HS6ST3: variants seen among roughly 807,000 people sequenced by gnomAD.
The protein encoded by HS6ST3 is heparan sulfate 6-O-sulfotransferase 3, also known as heparan-sulfate 6-O-sulfotransferase 3.
HS6ST3 carries 12 observed loss-of-function variants against 36.7 expected under a neutral mutation model. That is an observed-to-expected ratio of 0.33 (90% CI 0.21 to 0.53). The LOEUF is 0.53. Among genes scored for constraint, HS6ST3 ranks in the 20% least tolerant of loss-of-function variants. The pLI, the probability that HS6ST3 is intolerant of heterozygous loss-of-function variation, is 0.95. For missense variants in HS6ST3, 584 were observed against 640.9 expected (o/e 0.91, Z 0.96); for synonymous variants, 240 against 257.5 (o/e 0.93, Z 0.65).
At chr13:96,125,496 C>A (rs569378837) in intron 1 of HS6ST3, among the ~76,000 whole-genome samples, 77 of 152,096 alleles carry the variant, frequency 5.1e-4, no homozygotes, top group Non-Finnish European at 9.6e-4. Context: ...ACTTTATTAA[C>A]CTCGTCTGTC....
At chr13:96,803,376 T>C (rs1390232530) in intron 1 of HS6ST3, among the ~76,000 whole-genome samples, 1 of 152,174 alleles carries the variant, frequency 6.6e-6, no homozygotes. Flanking sequence ...TTAAGGGCTT[T>C]GGGAGGTATA....
At chr13:96,674,299 T>C (rs2056691851) in intron 1 of HS6ST3, among the ~76,000 whole-genome samples, 1 of 152,160 alleles carries the variant, frequency 6.6e-6, no homozygotes, top group African/African-American at 2.4e-5. Flanking sequence ...CAAGCCATGC[T>C]TCCTGTACAG....
At chr13:96,688,213 T>TATTATAATAATA (rs1874841182) in intron 1 of HS6ST3, among the ~76,000 whole-genome samples, 1 of 75,050 alleles carries the variant, frequency 1.3e-5, no homozygotes, top group Non-Finnish European at 3.8e-5. Flanking sequence ...GAACTTAAAG[T>TATTATAATAATA]ATAATAATAA....
intron 1 of HS6ST3, among the ~76,000 whole-genome samples, chr13:96,750,322 A>C (rs1876668867): frequency 6.6e-6 from 1 of 152,202 alleles, no homozygotes; most frequent in Non-Finnish European, 1.5e-5. Context: ...AAGAAACGTG[A>C]TATTACATGT....
chr13:96,328,467 A>G (rs2055045236), intron 1 of HS6ST3, among the ~76,000 whole-genome samples: 1 of 151,490 alleles, frequency 6.6e-6, no homozygotes, highest in Non-Finnish European at 1.5e-5. Flanking sequence ...GGCTCTGTTT[A>G]TATGCTGGAT....
chr13:96,454,484 C>A (rs1165632205), intron 1 of HS6ST3, among the ~76,000 whole-genome samples: 1 of 152,084 alleles, frequency 6.6e-6, no homozygotes, highest in Admixed American at 6.6e-5. Flanking sequence ...AATTACCATG[C>A]GGCACAATGA....
intron 1 of HS6ST3, among the ~76,000 whole-genome samples, chr13:96,277,125 A>G (rs2054752208): frequency 6.6e-6 from 1 of 152,184 alleles, no homozygotes; most frequent in Non-Finnish European, 1.5e-5. Flanking sequence ...GTTTGGACAT[A>G]TTCAAAAATA....
At chr13:96,760,056 G>C (rs1226167589) in intron 1 of HS6ST3, among the ~76,000 whole-genome samples, 1 of 151,880 alleles carries the variant, frequency 6.6e-6, no homozygotes, top group Non-Finnish European at 1.5e-5. Flanking sequence ...ATTCAACAAT[G>C]GTTGTATGAC....
chr13:96,534,711 T>A (rs548162893), intron 1 of HS6ST3, among the ~76,000 whole-genome samples: 1 of 152,044 alleles, frequency 6.6e-6, no homozygotes, highest in South Asian at 2.1e-4. Context: ...GTAATCCCAG[T>A]GCTTTGGGAG....
At chr13:96,397,927 G>C (rs1452336379) in intron 1 of HS6ST3, among the ~76,000 whole-genome samples, 2 of 152,156 alleles carry the variant, frequency 1.3e-5, no homozygotes, top group Non-Finnish European at 2.9e-5. Flanking sequence ...ATAATGATTT[G>C]CTGAGTAATC....
At chr13:96,799,009 G>A (rs1025586542) in intron 1 of HS6ST3, among the ~76,000 whole-genome samples, 1 of 152,060 alleles carries the variant, frequency 6.6e-6, no homozygotes, top group African/African-American at 2.4e-5. Context: ...CAAATTAGAT[G>A]AGAGCCCACC....
chr13:96,371,333 T>C (rs1371557227), intron 1 of HS6ST3, among the ~76,000 whole-genome samples: 1 of 152,158 alleles, frequency 6.6e-6, no homozygotes, highest in Non-Finnish European at 1.5e-5. Context: ...TGAAGTAAAA[T>C]TGACAAATAA....
intron 1 of HS6ST3, among the ~76,000 whole-genome samples, chr13:96,785,991 G>A (rs1012650701): frequency 6.6e-6 from 1 of 152,082 alleles, no homozygotes; most frequent in African/African-American, 2.4e-5. Flanking sequence ...AAAACCTATG[G>A]CTTTCCATTG....
At chr13:96,800,993 A>G (rs1878052897) in intron 1 of HS6ST3, among the ~76,000 whole-genome samples, 1 of 152,104 alleles carries the variant, frequency 6.6e-6, no homozygotes, top group Non-Finnish European at 1.5e-5. Flanking sequence ...TTTAATTCTC[A>G]ACCCAATCCA....
At chr13:96,795,290 T>C (rs920884013) in intron 1 of HS6ST3, among the ~76,000 whole-genome samples, 10 of 152,062 alleles carry the variant, frequency 6.6e-5, no homozygotes, top group Admixed American at 2.0e-4. Flanking sequence ...ATTTTAATAT[T>C]AAAACCTTCT....
chr13:96,710,630 C>T (rs1875540240), intron 1 of HS6ST3, among the ~76,000 whole-genome samples: 1 of 152,258 alleles, frequency 6.6e-6, no homozygotes, highest in South Asian at 2.1e-4. Flanking sequence ...GCTGATTGCA[C>T]TGTCTTGGGT....
intron 1 of HS6ST3, among the ~76,000 whole-genome samples, chr13:96,382,983 A>C (rs28427032): frequency 0.015 from 2,259 of 152,320 alleles, 64 homozygotes; most frequent in African/African-American, 0.051. Context: ...ATGTATGTGT[A>C]TGTATAATAG....
intron 1 of HS6ST3, among the ~76,000 whole-genome samples, chr13:96,571,282 T>C (rs2056300166): frequency 6.6e-6 from 1 of 152,210 alleles, no homozygotes; most frequent in Admixed American, 6.5e-5. Context: ...CCATCCTGCA[T>C]GTGCATGCAA....
chr13:96,499,694 C>T (rs1487704297), intron 1 of HS6ST3, among the ~76,000 whole-genome samples: 1 of 152,078 alleles, frequency 6.6e-6, no homozygotes, highest in Non-Finnish European at 1.5e-5. Flanking sequence ...GGATAAGACC[C>T]TGTGGCATGA....
Sources: allele counts gnomAD v4.1 joint callset (sites outside exome capture counted in the v4.1 genomes callset), GRCh38; gene constraint gnomAD v4.1.1; transcripts MANE v1.5; gene names NCBI Gene and HGNC (gene_info 2026-07-23, HGNC 2026-07-21).